The following COL5A1 variants were observed in gnomAD, a reference collection of about 807,000 sequenced individuals.
The protein encoded by COL5A1 is collagen alpha-1(V) chain.
A neutral mutation model predicts 263.7 loss-of-function variants in COL5A1; 16 were observed. The observed-to-expected ratio is 0.06, with a 90% CI of 0.04 to 0.09. The LOEUF (loss-of-function observed/expected upper bound fraction) is 0.09, where lower values mean the gene tolerates loss of function less well. Ranked by LOEUF, COL5A1 falls within the 10% of genes least tolerant of loss-of-function variation. The pLI is 1.00. For synonymous variants in COL5A1, 1,012 were observed against 1,004.5 expected, an observed-to-expected ratio of 1.01 and a Z score of -0.14; for missense variants, 2,036 against 2,540.5, an observed-to-expected ratio of 0.80 and a Z score of 4.27.
At chr9:134,766,541 C>CAAAA in intron 22 of COL5A1, 43 bp downstream of exon 22, 3 of 1,594,642 alleles carry the variant, frequency 1.9e-6, no homozygotes, top group Non-Finnish European at 2.6e-6. Flanking sequence ...GGGGCACTTT[C>CAAAA]CCTGGGCACA....
chr9:134,761,806 G>C, intron 18 of COL5A1, 119 bp from the exon 19 acceptor site: 2 of 1,009,656 alleles, frequency 2.0e-6, no homozygotes, highest in Non-Finnish European at 3.2e-6. Context: ...CATTCTGGAA[G>C]GGTCTTTTGA....
In COL5A1 at chr9:134,825,772, T is replaced by G. The variant is rs1247938501; in HGVS notation, c.4955-20T>G. On this transcript the variant is annotated intron_variant, in intron 62 of 65. Transcript: ENST00000371817. ...ATCCTTCTGACTCTGCCTGCCTCCC[T>G]CCCCGTCTCTGAAATCCAGGTGAAT... 1 of 1,544,838 alleles carries G rather than the reference T, an allele frequency of 6.5e-7. No homozygotes were observed.
intron 10 of COL5A1, 65 bp from the exon 11 acceptor site, chr9:134,738,681 T>A: frequency 7.0e-7 from 1 of 1,423,138 alleles, no homozygotes; most frequent in African/African-American, 1.4e-5. Flanking sequence ...GGTTGGCCAG[T>A]TGGAACTTGG....
intron 1 of COL5A1, among the ~76,000 whole-genome samples, chr9:134,654,325 G>GA (rs1831825698): frequency 1.5e-5 from 2 of 132,370 alleles, no homozygotes; most frequent in Non-Finnish European, 3.2e-5. Context: ...TGTAGGGCTG[G>GA]GGTGTGTGTA....
chr9:134,656,708 C>T (rs1226745769), intron 1 of COL5A1, among the ~76,000 whole-genome samples: 2 of 151,748 alleles, frequency 1.3e-5, no homozygotes, highest in African/African-American at 4.8e-5. Context: ...TTAGAGATGG[C>T]TGTTATTTTA....
At chr9:134,797,748 G>T (rs2132810186) in intron 36 of COL5A1, among the ~76,000 whole-genome samples, 1 of 152,286 alleles carries the variant, frequency 6.6e-6, no homozygotes, top group Non-Finnish European at 1.5e-5. Context: ...CTCCCAAAGT[G>T]CTGGGATTAC....
chr9:134,674,290 A>T (rs1440331682), intron 1 of COL5A1, among the ~76,000 whole-genome samples: 1 of 152,194 alleles, frequency 6.6e-6, no homozygotes, highest in Non-Finnish European at 1.5e-5. Flanking sequence ...ACGGGGACAA[A>T]CAAGCGGGAA....
intron 1 of COL5A1, among the ~76,000 whole-genome samples, chr9:134,690,664 C>T (rs553308726): frequency 6.6e-6 from 1 of 152,022 alleles, no homozygotes; most frequent in South Asian, 2.1e-4. Context: ...AGGGATGGGA[C>T]CCTCTGGGCT....
In COL5A1 at chr9:134,647,061, C is replaced by T. The variant is rs1404418170; in HGVS notation, c.109+4765C>T. On this transcript the variant is annotated intron_variant, in intron 1 of 65. Coordinates refer to ENST00000371817, the MANE Select transcript of COL5A1 (RefSeq NM_000093.5). This position sits in a 1 kb window ranked among gnomAD's most constrained non-coding sequence, Gnocchi z 5.0. ...ACTGGCTGTGTGGGGACGTTACCAT[C>T]GCCCCCATCTTCAGTGGTGGTTTTG... 6.6e-5 allele frequency among the ~76,000 whole-genome samples: 10 copies of T among 152,188 alleles called. No homozygotes were observed. Among genetic ancestry groups the T allele is most frequent in the South Asian group, 6.2e-4 (3 of 4,830 alleles).
intron 4 of COL5A1, among the ~76,000 whole-genome samples, chr9:134,725,030 G>A (rs2132627880): frequency 6.6e-6 from 1 of 152,292 alleles, no homozygotes; most frequent in Non-Finnish European, 1.5e-5. Context: ...GTGGCAAGAT[G>A]AGCTCCAGAC....
chr9:134,775,103 T>C (rs1469658674), intron 27 of COL5A1, among the ~76,000 whole-genome samples, 191 bp downstream of exon 27: 1 of 152,210 alleles, frequency 6.6e-6, no homozygotes, highest in African/African-American at 2.4e-5. Flanking sequence ...GGTGAGGGTG[T>C]GACCAGCTAG....
chr9:134,744,143 T>A (rs975833371), intron 11 of COL5A1, among the ~76,000 whole-genome samples: 1 of 152,312 alleles, frequency 6.6e-6, no homozygotes, highest in East Asian at 1.9e-4. Context: ...GCAAGCAGCA[T>A]GGGATTCATT....
chr9:134,731,268 T>C lies in COL5A1; in HGVS notation c.1165-228T>C, dbSNP rs142452569. On this transcript the variant is annotated intron_variant, in intron 7 of 65. Coordinates refer to ENST00000371817, the MANE Select transcript of COL5A1 (RefSeq NM_000093.5). ...CGGGTGCACGGGTGTGCCAGCTCCA[T>C]GGTGTGCCAGCTCCGAGTTGTCAGA... is the stretch of plus-strand genomic sequence containing the variant. Among the ~76,000 whole-genome samples the C allele has an allele frequency of 2.6e-3, 402 of 151,984 alleles. 3 individuals carry two copies. Among genetic ancestry groups the C allele is most frequent in the African/African-American group, 9.1e-3 (380 of 41,532 alleles).
chr9:134,786,626 A>C (rs1400742165), intron 31 of COL5A1, among the ~76,000 whole-genome samples: 1 of 152,214 alleles, frequency 6.6e-6, no homozygotes, highest in African/African-American at 2.4e-5. Flanking sequence ...AGAAAAAGGA[A>C]ACCTTTCTTA....
chr9:134,666,399 G>T (rs1013510116), intron 1 of COL5A1, among the ~76,000 whole-genome samples: 5 of 152,122 alleles, frequency 3.3e-5, no homozygotes, highest in East Asian at 1.9e-4. Flanking sequence ...TTCTTCTCTG[G>T]AGAGTGGCTT....
intron 57 of COL5A1, 150 bp downstream of exon 57, chr9:134,819,203 A>G: frequency 9.2e-6 from 8 of 865,214 alleles, no homozygotes; most frequent in Non-Finnish European, 1.3e-5. Context: ...GGGGTGACAA[A>G]GGAAAATAGA....
rs960146502 is a variant in COL5A1 at position 134,641,898 on chromosome 9, C to T, written c.-290C>T. The T allele has an allele frequency of 2.6e-5, 10 of 389,384 alleles. No homozygotes were observed. The highest frequency in any genetic ancestry group is 1.1e-4 in the East Asian group (3 of 27,476). The allele number at this position is 389,384 out of a possible 1,614,324, so 24.1% of individuals were successfully genotyped here. ...CGGGGCGGCGGCGGCGAGGAGGAGGCGAGAAGGAGTTGGAGGAGGAGGAGG... is the reference window on the plus strand; with the variant it reads ...CGGGGCGGCGGCGGCGAGGAGGAGGTGAGAAGGAGTTGGAGGAGGAGGAGG... On this transcript the variant is annotated 5_prime_UTR_variant, in exon 1 of 66. Transcript: ENST00000371817.
rs181772890 is a variant in COL5A1 at position 134,796,757 on chromosome 9, C to T, written c.2845-91C>T. ...TGGGGGTGGGAAGAAATGACACCTG[C>T]GTTCAGAGAGCCACCGGCACAGGCA... On this transcript the variant is annotated intron_variant, in intron 35 of 65. Transcript: ENST00000371817. 55 of 1,179,558 alleles carry T rather than the reference C, an allele frequency of 4.7e-5. No homozygotes were observed. The African/African-American group carries it at 5.4e-4, about 12-fold the overall frequency. The allele number at this position is 1,179,558 out of a possible 1,614,324, so 73.1% of individuals were successfully genotyped here.
At chr9:134,808,302 A>G (rs1422207254) in intron 42 of COL5A1, among the ~76,000 whole-genome samples, 1 of 152,172 alleles carries the variant, frequency 6.6e-6, no homozygotes, top group Non-Finnish European at 1.5e-5. Flanking sequence ...CTGCAGTGAG[A>G]AAATATAGGC....
Sources: allele counts gnomAD v4.1 joint callset (sites outside exome capture counted in the v4.1 genomes callset), GRCh38; gene constraint gnomAD v4.1.1; non-coding constraint Gnocchi (gnomAD v3.1); transcripts MANE v1.5; gene names NCBI Gene and HGNC (gene_info 2026-07-23, HGNC 2026-07-21).